The following TCF4 variants were observed in gnomAD, a reference collection of about 807,000 sequenced individuals.
TCF4 encodes the protein SL3-3 enhancer factor 2.
Under a neutral mutation model 82.1 loss-of-function variants are expected in TCF4, and 3 were observed. The observed-to-expected ratio is 0.04, with a 90% CI of 0.02 to 0.09. TCF4 has a LOEUF of 0.09. Among genes scored for constraint, TCF4 ranks in the 10% least tolerant of loss-of-function variants. The probability of loss-of-function intolerance (pLI) is 1.00; values close to 1 mark genes in which losing one functional copy is unlikely to be tolerated. For missense variants in TCF4, 518 were observed against 852.7 expected (o/e 0.61, Z 4.89); for synonymous variants, 276 against 309.6 (o/e 0.89, Z 1.14).
intron 8 of TCF4, among the ~76,000 whole-genome samples, chr18:55,304,363 A>C (rs1428055457): frequency 6.6e-6 from 1 of 152,210 alleles, no homozygotes; most frequent in Non-Finnish European, 1.5e-5. Flanking sequence ...TCAAATAGAC[A>C]TTGGAAAAAC....
intron 3 of TCF4, among the ~76,000 whole-genome samples, chr18:55,509,910 G>T (rs2096806447): frequency 6.6e-6 from 1 of 152,148 alleles, no homozygotes; most frequent in African/African-American, 2.4e-5. Context: ...TAGCTTTCAA[G>T]AGTTGAAATA....
At chr18:55,382,473 T>C (rs1430414373) in intron 6 of TCF4, among the ~76,000 whole-genome samples, 1 of 152,080 alleles carries the variant, frequency 6.6e-6, no homozygotes, top group African/African-American at 2.4e-5. Flanking sequence ...CATAAATTTC[T>C]GAGATGTTGA....
At chr18:55,418,046 T>A (rs1356338898) in intron 5 of TCF4, among the ~76,000 whole-genome samples, 2 of 148,630 alleles carry the variant, frequency 1.3e-5, no homozygotes, top group Non-Finnish European at 3.0e-5. Flanking sequence ...TGTGTGTGTA[T>A]CTGTGTGTGT....
At chr18:55,588,294 G>A, upstream of TCF4, 2 of 1,446,690 alleles carry the variant, frequency 1.4e-6, no homozygotes, top group Non-Finnish European at 1.8e-6. Flanking sequence ...CGAGGCGCAC[G>A]GAATTGCAAG....
chr18:55,572,700 T>A (rs2097485486), intron 3 of TCF4, among the ~76,000 whole-genome samples: 1 of 152,156 alleles, frequency 6.6e-6, no homozygotes, highest in South Asian at 2.1e-4. Flanking sequence ...GTGAATTCAA[T>A]TCAACAGGTC....
At chr18:55,333,834 A>T (rs568949921) in intron 8 of TCF4, among the ~76,000 whole-genome samples, 1 of 152,358 alleles carries the variant, frequency 6.6e-6, no homozygotes, top group South Asian at 2.1e-4. Flanking sequence ...GTTGAGTTTG[A>T]AGCACAGCTG....
chr18:55,304,635 C>G (rs2147059112), intron 8 of TCF4, among the ~76,000 whole-genome samples: 1 of 152,130 alleles, frequency 6.6e-6, no homozygotes, highest in Admixed American at 6.5e-5. Flanking sequence ...AGGAATGAAC[C>G]TAAGTAATGC....
At chr18:55,390,290 A>AT (rs1328864836) in intron 6 of TCF4, among the ~76,000 whole-genome samples, 1 of 147,512 alleles carries the variant, frequency 6.8e-6, no homozygotes, top group Non-Finnish European at 1.5e-5. Context: ...GACTCTTAAA[A>AT]AAAAAAAAAA....
chr18:55,228,079 GA>G, intron 19 of TCF4, 49 bp from the exon 20 acceptor site: 1 of 1,080,074 alleles, frequency 9.3e-7, no homozygotes, highest in Non-Finnish European at 1.3e-6. Flanking sequence ...ATTTGTAACA[GA>G]AAAAGTATGC....
chr18:55,415,335 A>C (rs117096194), intron 5 of TCF4, among the ~76,000 whole-genome samples: 27 of 152,234 alleles, frequency 1.8e-4, no homozygotes, highest in Admixed American at 1.8e-3. Context: ...CTTTATAATC[A>C]TGGTAAATAT....
At chr18:55,256,337 A>G (rs1314942110) in intron 14 of TCF4, among the ~76,000 whole-genome samples, 4 of 152,138 alleles carry the variant, frequency 2.6e-5, no homozygotes, top group Admixed American at 2.0e-4. Flanking sequence ...TAACTGATGA[A>G]GGTAAACACT....
intron 5 of TCF4, among the ~76,000 whole-genome samples, chr18:55,412,091 G>A (rs1479156681): frequency 6.6e-6 from 1 of 151,964 alleles, no homozygotes; most frequent in East Asian, 1.9e-4. Flanking sequence ...GACCAGCTAG[G>A]GAGACAAGCA....
At chr18:55,572,168 T>C (rs944106393) in intron 3 of TCF4, among the ~76,000 whole-genome samples, 8 of 152,174 alleles carry the variant, frequency 5.3e-5, no homozygotes, top group Admixed American at 5.2e-4. Context: ...CAAAGAGCTC[T>C]AGGGTCATAG....
At position 55,552,977 on chromosome 18, in the gene TCF4, G is replaced by A. The variant is rs555053684; in HGVS notation, c.145+32303C>T. Among the ~76,000 whole-genome samples, 7 of 152,238 alleles carry A rather than the reference G, an allele frequency of 4.6e-5. No homozygotes were observed. The East Asian group carries it at 5.8e-4, about 13-fold the overall frequency. On this transcript the variant is annotated intron_variant, in intron 3 of 19. Coordinates refer to ENST00000354452, the MANE Select transcript of TCF4 (RefSeq NM_001083962.2). ...GCTCACTGCTCATATTTGCACTTGC[G>A]TACATTATAGGAAGAACAGAAACCA...
intron 3 of TCF4, among the ~76,000 whole-genome samples, chr18:55,534,331 T>C (rs2097096388): frequency 6.6e-6 from 1 of 152,146 alleles, no homozygotes; most frequent in Admixed American, 6.5e-5. Context: ...AGACACACCA[T>C]AAATGAATGC....
intron 3 of TCF4, among the ~76,000 whole-genome samples, chr18:55,495,215 T>TTC (rs1045538080): frequency 6.6e-6 from 1 of 151,004 alleles, no homozygotes; most frequent in African/African-American, 2.4e-5. Context: ...AAACCTACAT[T>TTC]AACATGAGAG....
At chr18:55,358,030 A>C (rs1489821276) in intron 6 of TCF4, among the ~76,000 whole-genome samples, 1 of 152,062 alleles carries the variant, frequency 6.6e-6, no homozygotes, top group African/African-American at 2.4e-5. Context: ...GCCAGTCTGC[A>C]CTCGATGAGC....
chr18:55,241,645 T>A (rs1371431065), intron 15 of TCF4, among the ~76,000 whole-genome samples: 1 of 152,198 alleles, frequency 6.6e-6, no homozygotes, highest in African/African-American at 2.4e-5. Flanking sequence ...TCCCTAAGGA[T>A]CCCTAGGGAT....
intron 3 of TCF4, among the ~76,000 whole-genome samples, chr18:55,560,728 A>G (rs1423410998): frequency 6.6e-6 from 1 of 152,190 alleles, no homozygotes; most frequent in South Asian, 2.1e-4. Context: ...TAAACTTCAC[A>G]TAAGTGCATC....
Sources: allele counts gnomAD v4.1 joint callset (sites outside exome capture counted in the v4.1 genomes callset), GRCh38; gene constraint gnomAD v4.1.1; transcripts MANE v1.5; gene names NCBI Gene and HGNC (gene_info 2026-07-23, HGNC 2026-07-21).